The following TBC1D32 variants were observed in gnomAD, a reference collection of about 807,000 sequenced individuals.
The protein encoded by TBC1D32 is protein broad-minded.
In TBC1D32, 151 loss-of-function variants were observed where a neutral mutation model predicts 170.3. The observed-to-expected ratio is 0.89, with a 90% CI of 0.78 to 1.01. The LOEUF is 1.01. Among genes scored for constraint, TBC1D32 ranks in the 50% least tolerant of loss-of-function variants. The pLI, the probability that TBC1D32 is intolerant of heterozygous loss-of-function variation, is 0.00. For missense variants in TBC1D32, 1,464 were observed against 1,457.1 expected (o/e 1.00, Z -0.08); for synonymous variants, 498 against 488.0 (o/e 1.02, Z -0.27).
intron 22 of TBC1D32, chr6:121,170,338 A>G: frequency 7.1e-7 from 1 of 1,414,606 alleles, no homozygotes; most frequent in Non-Finnish European, 9.3e-7. Flanking sequence ...TATATCAAAA[A>G]TTACTGTCTT....
chr6:121,230,501 C>G (rs1795601575), intron 20 of TBC1D32, among the ~76,000 whole-genome samples: 1 of 152,002 alleles, frequency 6.6e-6, no homozygotes, highest in Non-Finnish European at 1.5e-5. Context: ...AGACAGTTAT[C>G]AACAACCTGC....
intron 12 of TBC1D32, among the ~76,000 whole-genome samples, chr6:121,287,533 C>G (rs538846609): frequency 6.6e-5 from 10 of 152,116 alleles, no homozygotes; most frequent in Non-Finnish European, 1.3e-4. Flanking sequence ...AAGAGACTTA[C>G]ACTCCCACAC....
intron 30 of TBC1D32, 24 bp downstream of exon 30, chr6:121,105,999 A>C: frequency 6.4e-7 from 1 of 1,568,504 alleles, no homozygotes; most frequent in Non-Finnish European, 8.7e-7. Flanking sequence ...GGAGTTGGAG[A>C]AATGCTACTC....
intron 15 of TBC1D32, among the ~76,000 whole-genome samples, chr6:121,270,309 A>C (rs572666254): frequency 6.6e-6 from 1 of 152,292 alleles, no homozygotes; most frequent in South Asian, 2.1e-4. Context: ...CCTTCAAAAA[A>C]AATCAATGAA....
At position 121,288,027 on chromosome 6, in the gene TBC1D32, C is replaced by T. The variant is rs1416987918; in HGVS notation, c.1372+4026G>A. Among the ~76,000 whole-genome samples the T allele has an allele frequency of 9.2e-5, 14 of 152,274 alleles. 1 individual carries two copies. The highest frequency in any genetic ancestry group is 4.4e-5 in the Non-Finnish European group (3 of 68,026). On this transcript the variant is annotated intron_variant, in intron 12 of 31. Transcript: ENST00000398212. ...AGTGTGTAGAGGGAAATTTATAGCT[C>T]TAAATGCCCACAAGAGAAATCAGGA...
chr6:121,286,853 T>C (rs1803931554), intron 12 of TBC1D32, among the ~76,000 whole-genome samples: 1 of 152,194 alleles, frequency 6.6e-6, no homozygotes, highest in Non-Finnish European at 1.5e-5. Context: ...ATATTCAACA[T>C]TCTTAAAGAA....
intron 18 of TBC1D32, 62 bp from the exon 19 acceptor site, chr6:121,241,614 T>C (rs1441229407): frequency 1.5e-6 from 2 of 1,335,478 alleles, no homozygotes. Context: ...TAACTAGACA[T>C]TCCTTCAAGA....
rs747461923 is a variant in TBC1D32, at chr6:121,194,543, G to A, written c.2570+10532C>T. 3.7e-4 allele frequency among the ~76,000 whole-genome samples: 56 copies of A among 152,160 alleles called. 1 individual carries two copies. The highest frequency in any genetic ancestry group is 1.3e-4 in the Non-Finnish European group (9 of 68,020). On this transcript the variant is annotated intron_variant, in intron 22 of 31. Transcript: ENST00000398212. ...GACACTGGGTTATTGTAAGCTTAAC[G>A]AAGTGGTGACTCCAACTGCAGCTGC...
chr6:121,102,614 T>C (rs2128188039), intron 30 of TBC1D32, among the ~76,000 whole-genome samples: 1 of 152,174 alleles, frequency 6.6e-6, no homozygotes, highest in African/African-American at 2.4e-5. Flanking sequence ...ACTTAAATGT[T>C]AGACCTAAAA....
In TBC1D32 at chr6:121,161,012, A is replaced by T; in HGVS notation, c.2615T>A (p.Leu872His). ...CCCACCAACAAGATTTATTCTAACA[A>T]GAACATGATTTCTCTCCACTGATAA... is the stretch of plus-strand genomic sequence containing the variant. ...DGLSVERNHV[L>H]VRINLVGGPL... The change falls in exon 23 of 32, where the codon CTT becomes CAT. Residue 872 changes from leucine to histidine, a missense_variant. Physicochemically the swap from Leu to His is moderately conservative, Grantham distance 99 (BLOSUM62 -3). Transcript: ENST00000398212. 2 of 1,613,756 alleles carry T rather than the reference A, an allele frequency of 1.2e-6. No homozygotes were observed. Among genetic ancestry groups the T allele is most frequent in the South Asian group, 2.2e-5 (2 of 90,936 alleles).
intron 26 of TBC1D32, among the ~76,000 whole-genome samples, chr6:121,122,610 T>G (rs1293666855): frequency 2.0e-5 from 3 of 152,098 alleles, no homozygotes; most frequent in African/African-American, 7.2e-5. Flanking sequence ...AACTATTTAA[T>G]ACTTTAATCT....
intron 17 of TBC1D32, among the ~76,000 whole-genome samples, chr6:121,249,594 A>G (rs898830713): frequency 6.6e-6 from 1 of 152,102 alleles, no homozygotes; most frequent in Non-Finnish European, 1.5e-5. Context: ...AAGCTCCCAG[A>G]TCTGATAAAT....
chr6:121,296,619 C>A (rs1805680532), intron 10 of TBC1D32, among the ~76,000 whole-genome samples: 1 of 152,082 alleles, frequency 6.6e-6, no homozygotes, highest in East Asian at 1.9e-4. Context: ...TTGAGTCCAT[C>A]CATTTATCCC....
chr6:121,101,672 T>A (rs1212608830), intron 30 of TBC1D32, among the ~76,000 whole-genome samples: 1 of 151,760 alleles, frequency 6.6e-6, no homozygotes, highest in Non-Finnish European at 1.5e-5. Flanking sequence ...CTTTGAAAAC[T>A]GGCACAAGAC....
intron 26 of TBC1D32, among the ~76,000 whole-genome samples, chr6:121,120,943 C>A (rs1489773098): frequency 6.6e-6 from 1 of 151,894 alleles, no homozygotes; most frequent in Non-Finnish European, 1.5e-5. Context: ...AATATAGGGT[C>A]ATCTGTATAT....
chr6:121,270,389 G>A (rs752836919), intron 15 of TBC1D32, among the ~76,000 whole-genome samples: 7 of 151,998 alleles, frequency 4.6e-5, no homozygotes, highest in Non-Finnish European at 8.8e-5. Flanking sequence ...AGAAAAGAGA[G>A]AAGAATCAAA....
intron 12 of TBC1D32, among the ~76,000 whole-genome samples, chr6:121,290,799 A>G (rs1804719776): frequency 6.6e-6 from 1 of 152,016 alleles, no homozygotes; most frequent in South Asian, 2.1e-4. Flanking sequence ...GCACACATAC[A>G]CCATGGAATA....
intron 3 of TBC1D32, among the ~76,000 whole-genome samples, chr6:121,314,785 GT>G (rs1195967861): frequency 2.0e-5 from 3 of 152,094 alleles, no homozygotes; most frequent in Non-Finnish European, 4.4e-5. Flanking sequence ...GCCCAGAGAT[GT>G]TCAGTTTGAA....
intron 20 of TBC1D32, among the ~76,000 whole-genome samples, chr6:121,227,626 C>A (rs926461288): frequency 3.3e-5 from 5 of 151,880 alleles, no homozygotes; most frequent in Non-Finnish European, 7.4e-5. Context: ...CATACTGAAA[C>A]ATTTAACCAA....
Sources: allele counts gnomAD v4.1 joint callset (sites outside exome capture counted in the v4.1 genomes callset), GRCh38; gene constraint gnomAD v4.1.1; transcripts MANE v1.5; gene names NCBI Gene and HGNC (gene_info 2026-07-23, HGNC 2026-07-21).